The following NAALADL2 variants were observed in gnomAD, a reference collection of about 807,000 sequenced individuals.
NAALADL2 encodes the protein inactive N-acetylated-alpha-linked acidic dipeptidase-like protein 2.
Under a neutral mutation model 87.2 loss-of-function variants are expected in NAALADL2, and 76 were observed. That is an observed-to-expected ratio of 0.87 (90% CI 0.72 to 1.05). NAALADL2 has a LOEUF of 1.05. Ranked by LOEUF, NAALADL2 falls within the 50% of genes least tolerant of loss-of-function variation. The pLI, the probability that NAALADL2 is intolerant of heterozygous loss-of-function variation, is 0.00. For synonymous variants in NAALADL2, 354 were observed against 331.0 expected, an observed-to-expected ratio of 1.07 and a Z score of -0.75; for missense variants, 1,089 against 945.8, an observed-to-expected ratio of 1.15 and a Z score of -1.99.
intron 11 of NAALADL2, among the ~76,000 whole-genome samples, chr3:175,717,149 C>T (rs548207867): frequency 3.3e-5 from 5 of 152,184 alleles, no homozygotes; most frequent in Admixed American, 1.3e-4. Flanking sequence ...CTTAGAAAGA[C>T]GAGTATCTTG....
At chr3:175,193,861 A>G (rs925590061) in intron 2 of NAALADL2, among the ~76,000 whole-genome samples, 5 of 151,934 alleles carry the variant, frequency 3.3e-5, no homozygotes, top group African/African-American at 1.2e-4. Context: ...CAAAAGATAG[A>G]AAAAATATGT....
chr3:175,431,316 G>T (rs1284197519), intron 5 of NAALADL2, among the ~76,000 whole-genome samples: 2 of 151,996 alleles, frequency 1.3e-5, no homozygotes, highest in Admixed American at 1.3e-4. Context: ...TAAAAAAGCA[G>T]TAGCAGGACA....
intron 11 of NAALADL2, among the ~76,000 whole-genome samples, chr3:175,736,984 G>T (rs532303764): frequency 6.6e-6 from 1 of 152,190 alleles, no homozygotes; most frequent in South Asian, 2.1e-4. Context: ...GTGATACTAC[G>T]AACTGTAAGG....
chr3:174,935,961 T>A (rs1737630990), intron 1 of NAALADL2, among the ~76,000 whole-genome samples: 1 of 152,162 alleles, frequency 6.6e-6, no homozygotes, highest in South Asian at 2.1e-4. Context: ...TCTTTTCCCA[T>A]AATGATGTCA....
intron 4 of NAALADL2, among the ~76,000 whole-genome samples, chr3:175,323,831 C>A (rs1261563278): frequency 6.7e-6 from 1 of 148,332 alleles, no homozygotes; most frequent in Non-Finnish European, 1.5e-5. Flanking sequence ...TCCTGGCTGA[C>A]ACGGTGAAAC....
At chr3:174,557,213 G>C (rs1346972437) in intron 2 of NAALADL2, among the ~76,000 whole-genome samples, 1 of 151,746 alleles carries the variant, frequency 6.6e-6, no homozygotes, top group African/African-American at 2.4e-5. Context: ...ATAAAAACTC[G>C]ATTTTCTTAA....
chr3:174,703,995 T>C (rs1729823709), intron 2 of NAALADL2, among the ~76,000 whole-genome samples: 1 of 152,180 alleles, frequency 6.6e-6, no homozygotes, highest in South Asian at 2.1e-4. Context: ...AAGGAGAATC[T>C]ACTTTATCTA....
chr3:175,571,924 G>T (rs34843813), intron 9 of NAALADL2, among the ~76,000 whole-genome samples: 1 of 152,314 alleles, frequency 6.6e-6, no homozygotes, highest in South Asian at 2.1e-4. Flanking sequence ...ATGAACACAG[G>T]TTTGAAGGTA....
intron 2 of NAALADL2, among the ~76,000 whole-genome samples, chr3:174,703,043 GTCTC>G (rs575514418): frequency 3.0e-3 from 460 of 152,300 alleles, no homozygotes; most frequent in African/African-American, 0.011. Flanking sequence ...TTAAAAGTAA[GTCTC>G]TATCAATACA....
At chr3:174,963,072 T>A (rs1742350707) in intron 1 of NAALADL2, among the ~76,000 whole-genome samples, 1 of 152,154 alleles carries the variant, frequency 6.6e-6, no homozygotes, top group South Asian at 2.1e-4. Flanking sequence ...TTATCTGCTG[T>A]CATTTGAATC....
At chr3:175,362,162 A>G (rs113803536) in intron 5 of NAALADL2, among the ~76,000 whole-genome samples, 14,983 of 147,898 alleles carry the variant, frequency 0.1, 2,169 homozygotes, top group Non-Finnish European at 0.15. Context: ...GGTTTGTCAA[A>G]GATCAGATGG....
chr3:175,002,983 A>G (rs1031247952), intron 1 of NAALADL2, among the ~76,000 whole-genome samples: 1 of 152,188 alleles, frequency 6.6e-6, no homozygotes, highest in Admixed American at 6.6e-5. Flanking sequence ...TATGCTCACA[A>G]AAATGCAAAG....
intron 2 of NAALADL2, among the ~76,000 whole-genome samples, chr3:175,144,645 A>G (rs1246607933): frequency 6.6e-6 from 1 of 151,868 alleles, no homozygotes. Context: ...TATATACAGA[A>G]TTTTGTGTGT....
intron 3 of NAALADL2, among the ~76,000 whole-genome samples, chr3:174,739,527 T>C (rs564822342): frequency 2.0e-5 from 3 of 152,242 alleles, no homozygotes; most frequent in Admixed American, 6.5e-5. Flanking sequence ...CATGATCGTA[T>C]GTAGACAGAT....
At position 175,324,082 on chromosome 3, in the gene NAALADL2, A is replaced by G. The variant is rs555365042; in HGVS notation, c.940-93A>G. 5.8e-4 allele frequency: 474 copies of G among 819,072 alleles called. 1 individual carries two copies. Among genetic ancestry groups the G allele is most frequent in the Non-Finnish European group, 7.1e-4 (374 of 528,254 alleles). The allele number at this position is 819,072 out of a possible 1,614,324, so 50.7% of individuals were successfully genotyped here. A position where few individuals can be genotyped will look rare whatever the true frequency, so the allele number is the denominator to read the frequency against. On this transcript the variant is annotated intron_variant, in intron 4 of 13. Coordinates refer to ENST00000454872, the MANE Select transcript of NAALADL2 (RefSeq NM_207015.3). ...AAAAAGAAAAAAAAACTGGAAAAAG[A>G]GTCATCTTATCATAGCCACATTGGC...
At chr3:175,698,483 T>TTATATATA (rs34002597) in intron 11 of NAALADL2, among the ~76,000 whole-genome samples, 2 of 67,772 alleles carry the variant, frequency 3.0e-5, no homozygotes, top group African/African-American at 9.0e-5. Flanking sequence ...GTATATATAT[T>TTATATATA]TATATATATA....
chr3:174,922,967 T>G (rs766206055), intron 1 of NAALADL2, among the ~76,000 whole-genome samples: 14 of 152,180 alleles, frequency 9.2e-5, no homozygotes, highest in Non-Finnish European at 1.8e-4. Flanking sequence ...ATCTTTCCCT[T>G]GTTCATTAGA....
intron 7 of NAALADL2, among the ~76,000 whole-genome samples, chr3:175,465,750 C>T (rs1000530488): frequency 2.0e-5 from 3 of 152,118 alleles, no homozygotes; most frequent in African/African-American, 7.2e-5. Context: ...GGATTACAGG[C>T]GTGAGCCACC....
chr3:174,712,337 G>T (rs1211369370), intron 2 of NAALADL2, among the ~76,000 whole-genome samples: 3 of 148,190 alleles, frequency 2.0e-5, no homozygotes, highest in Non-Finnish European at 4.4e-5. Flanking sequence ...TTCAAGAAAG[G>T]TCTACTCATA....
Sources: gnomAD v4.1 joint callset for allele counts (sites outside exome capture counted in the v4.1 genomes callset) on GRCh38, gnomAD v4.1.1 for gene constraint, MANE v1.5 for transcripts, NCBI Gene and HGNC (gene_info 2026-07-23, HGNC 2026-07-21) for gene names.